The following RARS2 variants were observed in gnomAD, a reference collection of about 807,000 sequenced individuals.
RARS2 encodes arginyl-tRNA synthetase 2, mitochondrial, also known as probable arginine--tRNA ligase, mitochondrial.
In RARS2, 67 loss-of-function variants were observed where a neutral mutation model predicts 88.5. That is an observed-to-expected ratio of 0.76 (90% CI 0.62 to 0.93). RARS2 has a LOEUF of 0.93. RARS2 is among the 40% of genes least tolerant of loss of function. The probability of loss-of-function intolerance (pLI) is 0.00; values close to 1 mark genes in which losing one functional copy is unlikely to be tolerated. For missense variants in RARS2, 664 were observed against 684.2 expected (o/e 0.97, Z 0.33); for synonymous variants, 239 against 230.3 (o/e 1.04, Z -0.34).
At chr6:87,562,907 C>A in intron 3 of RARS2, 122 bp from the exon 4 acceptor site, 2 of 747,064 alleles carry the variant, frequency 2.7e-6, no homozygotes, top group Non-Finnish European at 4.8e-6. Context: ...GTCCCTATAT[C>A]GGGTCCCAGT....
In RARS2 at chr6:87,545,620, C is replaced by T. The variant is rs758899762; in HGVS notation, c.531G>A (p.Gln177=). The T allele has an allele frequency of 1.5e-5, 25 of 1,613,572 alleles. No individual in the cohort carries two copies. The highest frequency in any genetic ancestry group is 2.0e-5 in the Non-Finnish European group (24 of 1,179,774). Residue 177 remains glutamine (Q), a synonymous_variant, in exon 7 of 20, where the codon CAG becomes CAA. Coordinates refer to ENST00000369536, the MANE Select transcript of RARS2 (RefSeq NM_020320.5). ...RINYLGDWGM[Q]FGLLGTGFQL... is the part of the protein sequence containing the mutation. Reference sequence around the variant, plus strand: ...TAAAATCTCAAGTGTACTTACCAAACTGCATGCCCCAATCGCCAAGGTAAT... The same window carrying T: ...TAAAATCTCAAGTGTACTTACCAAATTGCATGCCCCAATCGCCAAGGTAAT...
intron 1 of RARS2, among the ~76,000 whole-genome samples, chr6:87,576,613 G>A (rs1008117279): frequency 1.3e-5 from 2 of 151,998 alleles, no homozygotes; most frequent in Non-Finnish European, 2.9e-5. Flanking sequence ...TATTGTGTAA[G>A]GTAAGAGTTT....
At chr6:87,581,401 T>A (rs746591492) in intron 1 of RARS2, among the ~76,000 whole-genome samples, 1 of 152,098 alleles carries the variant, frequency 6.6e-6, no homozygotes, top group African/African-American at 2.4e-5. Context: ...CACTACCAAG[T>A]CAGGCACTGT....
At chr6:87,543,816 G>A (rs1382642082) in intron 7 of RARS2, among the ~76,000 whole-genome samples, 2 of 152,178 alleles carry the variant, frequency 1.3e-5, no homozygotes, top group Non-Finnish European at 2.9e-5. Context: ...GATGACTGAA[G>A]CTCTATTAAC....
chr6:87,527,364 T>A (rs1673229450), intron 10 of RARS2, among the ~76,000 whole-genome samples: 1 of 152,088 alleles, frequency 6.6e-6, no homozygotes, highest in South Asian at 2.1e-4. Context: ...GAAAACTGCA[T>A]ATCCATATGC....
intron 1 of RARS2, among the ~76,000 whole-genome samples, chr6:87,571,483 A>G (rs753722787): frequency 1.6e-4 from 25 of 152,248 alleles, no homozygotes; most frequent in Non-Finnish European, 3.4e-4. Context: ...AAATAGTGAA[A>G]TAACAGCATA....
chr6:87,521,852 T>C (rs912514935), intron 11 of RARS2, among the ~76,000 whole-genome samples: 4 of 152,232 alleles, frequency 2.6e-5, no homozygotes, highest in Non-Finnish European at 5.9e-5. Context: ...ATAAATGTTT[T>C]ATGATTAAGT....
chr6:87,518,404 T>G (rs1772532863), intron 16 of RARS2, 140 bp from the exon 17 acceptor site: 1 of 1,519,742 alleles, frequency 6.6e-7, no homozygotes, highest in Non-Finnish European at 8.8e-7. Flanking sequence ...TAACAGTATA[T>G]TTTTCGACAG....
At chr6:87,587,878 C>A (rs186440363) in intron 1 of RARS2, among the ~76,000 whole-genome samples, 37 of 152,284 alleles carry the variant, frequency 2.4e-4, no homozygotes, top group Middle Eastern at 3.4e-3. Context: ...CCAAACGATC[C>A]TCCCACCTCA....
chr6:87,586,322 T>C (rs1244675209), intron 1 of RARS2, among the ~76,000 whole-genome samples: 2 of 152,204 alleles, frequency 1.3e-5, no homozygotes, highest in Admixed American at 6.5e-5. Flanking sequence ...TCTATGTACA[T>C]ATCATGCTTT....
chr6:87,518,808 A>AG lies in RARS2; in HGVS notation c.1305+15dup. On this transcript the variant is annotated intron_variant, in intron 15 of 19. Transcript: ENST00000369536. Reference sequence around the variant, plus strand: ...TACCAAACAAAAGGGCCTCACAGGTAGGAGTCTTAACAGACCTGAATAATG... The same window carrying AG: ...TACCAAACAAAAGGGCCTCACAGGTAGGGAGTCTTAACAGACCTGAATAATG... 1 of 1,613,510 alleles carries AG rather than the reference A, an allele frequency of 6.2e-7. No individual in the cohort carries two copies. Among genetic ancestry groups the AG allele is most frequent in the Non-Finnish European group, 8.5e-7 (1 of 1,179,386 alleles).
At chr6:87,583,538 G>A (rs1471564224) in intron 1 of RARS2, among the ~76,000 whole-genome samples, 1 of 151,200 alleles carries the variant, frequency 6.6e-6, no homozygotes, top group Admixed American at 6.6e-5. Context: ...GCGGTGAGCC[G>A]AGATTGTGCC....
At chr6:87,588,423 A>G (rs1775824238) in intron 1 of RARS2, among the ~76,000 whole-genome samples, 1 of 152,138 alleles carries the variant, frequency 6.6e-6, no homozygotes, top group African/African-American at 2.4e-5. Context: ...CCTGGAGTGC[A>G]GTGGCACAAT....
chr6:87,574,686 C>T (rs1405058714), intron 1 of RARS2, among the ~76,000 whole-genome samples: 1 of 151,866 alleles, frequency 6.6e-6, no homozygotes, highest in East Asian at 1.9e-4. Flanking sequence ...CCAATGAATA[C>T]GAAGAACATT....
intron 12 of RARS2, 124 bp downstream of exon 12, chr6:87,521,340 T>C: frequency 1.3e-6 from 1 of 772,918 alleles, no homozygotes; most frequent in Non-Finnish European, 2.2e-6. Flanking sequence ...AGTTGCCCAC[T>C]TTAAACATAC....
intron 8 of RARS2, among the ~76,000 whole-genome samples, chr6:87,538,718 AAGACCCT>A (rs1175636797): frequency 9.2e-5 from 14 of 152,102 alleles, no homozygotes; most frequent in Admixed American, 8.5e-4. Context: ...ACAGCATAGC[AAGACCCT>A]ATTGTTATTT....
chr6:87,525,410 G>C (rs1163360774), intron 10 of RARS2, among the ~76,000 whole-genome samples: 3 of 151,878 alleles, frequency 2.0e-5, no homozygotes, highest in African/African-American at 7.3e-5. Flanking sequence ...TTTTCAATAT[G>C]ATCTTATAAA....
chr6:87,572,502 T>C (rs1267489444), intron 1 of RARS2, among the ~76,000 whole-genome samples: 2 of 152,192 alleles, frequency 1.3e-5, no homozygotes, highest in Non-Finnish European at 2.9e-5. Context: ...CAACATGCAA[T>C]TCTCATTTGG....
chr6:87,558,310 G>T (rs1413428929), intron 4 of RARS2, among the ~76,000 whole-genome samples: 2 of 151,976 alleles, frequency 1.3e-5, no homozygotes, highest in African/African-American at 4.8e-5. Flanking sequence ...TCCACAAACT[G>T]CACTACCACT....
Sources: gnomAD v4.1 joint callset for allele counts (sites outside exome capture counted in the v4.1 genomes callset) on GRCh38, gnomAD v4.1.1 for gene constraint, MANE v1.5 for transcripts, NCBI Gene and HGNC (gene_info 2026-07-23, HGNC 2026-07-21) for gene names.